Variants in TECTB observed in about 807,000 individuals in gnomAD.
TECTB encodes beta-tectorin.
In TECTB, 45 loss-of-function variants were observed where a neutral mutation model predicts 43.3. That is an observed-to-expected ratio of 1.04 (90% confidence interval 0.82 to 1.33). The LOEUF is 1.33. Among genes scored for constraint, TECTB ranks in the 40% most tolerant of loss-of-function variants. The probability of loss-of-function intolerance (pLI) is 0.00; values close to 1 mark genes in which losing one functional copy is unlikely to be tolerated. For synonymous variants in TECTB, 169 were observed against 156.7 expected (o/e 1.08, Z -0.59); for missense variants, 399 against 404.7 (o/e 0.99, Z 0.12).
chr10:112,295,309 C>G (rs560220003), intron 7 of TECTB, among the ~76,000 whole-genome samples: 1 of 152,286 alleles, frequency 6.6e-6, no homozygotes, highest in East Asian at 1.9e-4. Flanking sequence ...ACAGCTCTTA[C>G]AATATACCAA....
chr10:112,294,105 C>A, intron 7 of TECTB, 44 bp downstream of exon 7: 1 of 1,567,530 alleles, frequency 6.4e-7, no homozygotes, highest in Non-Finnish European at 8.8e-7. Flanking sequence ...TGGAACCAGG[C>A]ATTTATCGGG....
intron 7 of TECTB, among the ~76,000 whole-genome samples, chr10:112,295,686 G>C (rs1186370763): frequency 6.6e-6 from 1 of 152,196 alleles, no homozygotes; most frequent in Admixed American, 6.5e-5. Flanking sequence ...CTGAAATAAC[G>C]TATTGACCTG....
rs537248301 is a variant in TECTB at position 112,286,204 on chromosome 10, T to C, written c.401T>C (p.Phe134Ser). Reference protein sequence around the residue: ...HSTYLVNQAAFDQRVATVHVK... With the variant: ...HSTYLVNQAASDQRVATVHVK... ...ACCTACTTGGTGAACCAGGCTGCCT[T>C]TGACCAGAGGTAAGTTGCTGTGCGG... The change falls in exon 4 of 11, where the codon TTT (phenylalanine) becomes TCT (serine). Residue 134 changes from phenylalanine to serine, a missense_variant. Physicochemically the swap from Phe to Ser is radical, Grantham distance 155. Transcript: ENST00000646139. 30 of 1,614,162 alleles carry C rather than the reference T, an allele frequency of 1.9e-5. No homozygotes were observed. Among genetic ancestry groups the C allele is most frequent in the Non-Finnish European group, 2.5e-5 (29 of 1,180,002 alleles).
intron 9 of TECTB, among the ~76,000 whole-genome samples, chr10:112,300,594 T>C (rs577715438): frequency 1.3e-5 from 2 of 152,322 alleles, no homozygotes; most frequent in Non-Finnish European, 2.9e-5. Flanking sequence ...GGTTGCACAG[T>C]TGATCATCAC....
chr10:112,292,779 C>T (rs1848509895), intron 5 of TECTB, among the ~76,000 whole-genome samples: 1 of 152,074 alleles, frequency 6.6e-6, no homozygotes, highest in Non-Finnish European at 1.5e-5. Context: ...CACAACTTAT[C>T]TAACCTCACC....
At chr10:112,295,294 CTT>C (rs1028497876) in intron 7 of TECTB, among the ~76,000 whole-genome samples, 5 of 152,162 alleles carry the variant, frequency 3.3e-5, no homozygotes, top group African/African-American at 9.6e-5. Context: ...TTAGCAAACA[CTT>C]ATACAGCTCT....
intron 9 of TECTB, among the ~76,000 whole-genome samples, chr10:112,300,279 A>AAAAGAAAGAAAGAAAGAAAGAAAGAAAG (rs71303596): frequency 9.1e-4 from 44 of 48,352 alleles, no homozygotes; most frequent in African/African-American, 2.0e-3. Context: ...AGAAAGAAAG[A>AAAAGAAAGAAAGAAAGAAAGAAAGAAAG]AAAGAAAGAA....
chr10:112,288,934 G>A (rs150479614), intron 5 of TECTB, among the ~76,000 whole-genome samples: 30 of 152,284 alleles, frequency 2.0e-4, no homozygotes, highest in Middle Eastern at 3.4e-3. Flanking sequence ...CCCTAGTGCT[G>A]TGGTTAAGAA....
chr10:112,291,626 C>T (rs957685100), intron 5 of TECTB, among the ~76,000 whole-genome samples: 1 of 152,242 alleles, frequency 6.6e-6, no homozygotes, highest in African/African-American at 2.4e-5. Context: ...TGCAGTTCTG[C>T]AAATCTCCAG....
intron 7 of TECTB, among the ~76,000 whole-genome samples, chr10:112,294,269 C>A (rs1487928351): frequency 6.6e-6 from 1 of 152,154 alleles, no homozygotes; most frequent in African/African-American, 2.4e-5. Flanking sequence ...GAGAGCTTTA[C>A]CTTATATTAA....
chr10:112,293,913 T>C (rs1848522769), intron 6 of TECTB, 65 bp from the exon 7 acceptor site: 3 of 1,605,648 alleles, frequency 1.9e-6, no homozygotes, highest in African/African-American at 2.7e-5. Context: ...TACTTTTTAA[T>C]CATCAGATGT....
At chr10:112,299,467 C>T (rs370041848) in intron 8 of TECTB, 25 bp from the exon 9 acceptor site, 63 of 1,613,394 alleles carry the variant, frequency 3.9e-5, no homozygotes, top group Non-Finnish European at 5.1e-5. Flanking sequence ...CCGCTTCTCT[C>T]CTGTCTGCCT....
chr10:112,299,625 C>T, intron 9 of TECTB, 61 bp downstream of exon 9: 1 of 1,564,046 alleles, frequency 6.4e-7, no homozygotes, highest in Non-Finnish European at 8.8e-7. Flanking sequence ...GCTGCGTCCA[C>T]AGGCACAGCC....
intron 5 of TECTB, among the ~76,000 whole-genome samples, chr10:112,289,229 T>C (rs1018988212): frequency 6.6e-6 from 1 of 152,256 alleles, no homozygotes; most frequent in African/African-American, 2.4e-5. Flanking sequence ...TGAGGGCTTC[T>C]AGCATTGTTA....
chr10:112,286,199 T>C lies in TECTB; in HGVS notation c.396T>C (p.Ala132=), dbSNP rs201881485. Residue 132 remains alanine (A), a synonymous_variant, in exon 4 of 11, where the codon GCT becomes GCC. Coordinates refer to ENST00000646139, the MANE Select transcript of TECTB (RefSeq NM_058222.3). Reference sequence around the variant, plus strand: ...ACTCCACCTACTTGGTGAACCAGGCTGCCTTTGACCAGAGGTAAGTTGCTG... The same window carrying C: ...ACTCCACCTACTTGGTGAACCAGGCCGCCTTTGACCAGAGGTAAGTTGCTG... ...TYHSTYLVNQ[A]AFDQRVATVH... 16 of 1,614,184 alleles carry C rather than the reference T, an allele frequency of 9.9e-6. No individual in the cohort carries two copies. The highest frequency in any genetic ancestry group is 3.3e-4 in the Middle Eastern group (2 of 6,062).
chr10:112,299,617 T>C, intron 9 of TECTB, 53 bp downstream of exon 9: 1 of 1,591,120 alleles, frequency 6.3e-7, no homozygotes, highest in Non-Finnish European at 8.6e-7. Flanking sequence ...CACGCTGGGC[T>C]GCGTCCACAG....
At chr10:112,296,842 A>T (rs571418152) in intron 7 of TECTB, among the ~76,000 whole-genome samples, 1 of 152,234 alleles carries the variant, frequency 6.6e-6, no homozygotes, top group East Asian at 1.9e-4. Flanking sequence ...GTGTGTGCCG[A>T]GTTTACCATA....
intron 8 of TECTB, among the ~76,000 whole-genome samples, chr10:112,299,216 C>G (rs1174519621): frequency 6.6e-6 from 1 of 152,206 alleles, no homozygotes; most frequent in East Asian, 1.9e-4. Context: ...GGATCAATCC[C>G]TTCCACACTC....
chr10:112,284,724 AG>A lies in TECTB; in HGVS notation c.267+1del. Reference protein sequence around the residue: ...KNKSYCGTQSEYKPPIYHFYS... With the variant: ...KNKSYCGTQSXYKPPIYHFYS... The stretch of plus-strand genomic sequence containing the variant: ...AAGTCCTATTGTGGAACCCAGTCTG[AG>A]GTAAGACCAGGCCACACAGTGCAGA... On this transcript the variant is annotated frameshift_variant and splice_region_variant, in exon 3 of 11. Coordinates refer to ENST00000646139, the MANE Select transcript of TECTB (RefSeq NM_058222.3). LOFTEE classifies it high-confidence loss of function. The A allele has an allele frequency of 3.8e-6, 6 of 1,582,588 alleles. No individual in the cohort carries two copies. The highest frequency in any genetic ancestry group is 5.2e-6 in the Non-Finnish European group (6 of 1,162,496).
Sources: allele counts gnomAD v4.1 joint callset (sites outside exome capture counted in the v4.1 genomes callset), GRCh38; gene constraint gnomAD v4.1.1; transcripts MANE v1.5; gene names NCBI Gene and HGNC (gene_info 2026-07-23, HGNC 2026-07-21).